The following NPAS3 variants were observed in gnomAD, a reference collection of about 807,000 sequenced individuals.
NPAS3 encodes neuronal PAS domain protein 3.
In NPAS3, 14 loss-of-function variants were observed where a neutral mutation model predicts 73.1. The observed-to-expected ratio is 0.19, with a 90% CI of 0.13 to 0.30. The LOEUF (loss-of-function observed/expected upper bound fraction) is 0.30, where lower values mean the gene tolerates loss of function less well. NPAS3 is among the 10% of genes least tolerant of loss of function. The probability of loss-of-function intolerance (pLI) is 1.00; values close to 1 mark genes in which losing one functional copy is unlikely to be tolerated. For synonymous variants in NPAS3, 620 were observed against 541.5 expected (o/e 1.14, Z -2.01); for missense variants, 1,096 against 1,250.0 (o/e 0.88, Z 1.86).
At chr14:33,441,378 C>G (rs1297303895) in intron 4 of NPAS3, among the ~76,000 whole-genome samples, 1 of 138,738 alleles carries the variant, frequency 7.2e-6, no homozygotes, top group Non-Finnish European at 1.5e-5. Flanking sequence ...AAGCAATAGC[C>G]TAAAGTAGAA....
intron 2 of NPAS3, among the ~76,000 whole-genome samples, chr14:33,192,084 G>A (rs1475932552): frequency 6.6e-6 from 1 of 152,130 alleles, no homozygotes; most frequent in Non-Finnish European, 1.5e-5. Flanking sequence ...AGTTGAGCAT[G>A]AGAACTTTGT....
chr14:32,973,591 A>G (rs922110586), intron 1 of NPAS3, among the ~76,000 whole-genome samples: 4 of 148,722 alleles, frequency 2.7e-5, no homozygotes, highest in Non-Finnish European at 5.9e-5. Flanking sequence ...GGTGGAATGC[A>G]ATGATGCTAT....
chr14:33,640,131 C>T (rs2140177268), intron 5 of NPAS3, among the ~76,000 whole-genome samples: 1 of 152,164 alleles, frequency 6.6e-6, no homozygotes, highest in East Asian at 1.9e-4. Context: ...GCAGAAGAAT[C>T]ACTTGAACCC....
chr14:33,204,599 C>A (rs968640234), intron 2 of NPAS3, among the ~76,000 whole-genome samples: 1 of 151,974 alleles, frequency 6.6e-6, no homozygotes. Context: ...ATGTGACACA[C>A]GGAAAAAGTC....
chr14:33,407,708 AT>A (rs951184999), intron 4 of NPAS3, among the ~76,000 whole-genome samples: 1 of 151,566 alleles, frequency 6.6e-6, no homozygotes, highest in Admixed American at 6.6e-5. Flanking sequence ...CCACCTTCTC[AT>A]TTTTTTTCCC....
At chr14:33,329,823 T>A (rs79042733) in intron 3 of NPAS3, among the ~76,000 whole-genome samples, 3,520 of 152,028 alleles carry the variant, frequency 0.023, 58 homozygotes, top group Non-Finnish European at 0.034. Context: ...TGTGTGTGTG[T>A]GTGAGAGAGA....
intron 4 of NPAS3, among the ~76,000 whole-genome samples, chr14:33,447,514 A>T (rs2049572024): frequency 6.6e-6 from 1 of 152,232 alleles, no homozygotes; most frequent in Admixed American, 6.5e-5. Flanking sequence ...TTAAATTTAG[A>T]CATGCAACTA....
chr14:33,295,706 T>C (rs1028453156), intron 3 of NPAS3, among the ~76,000 whole-genome samples: 2 of 152,234 alleles, frequency 1.3e-5, no homozygotes, highest in Non-Finnish European at 2.9e-5. Context: ...ATGTATTTTA[T>C]TTTAATGCAG....
chr14:33,345,265 G>GCC (rs2044673336), intron 3 of NPAS3, among the ~76,000 whole-genome samples: 1 of 152,000 alleles, frequency 6.6e-6, no homozygotes, highest in South Asian at 2.1e-4. Context: ...AATGAAACTT[G>GCC]CCCTAAAAGA....
intron 5 of NPAS3, among the ~76,000 whole-genome samples, chr14:33,589,059 A>G (rs2056968706): frequency 6.6e-6 from 1 of 152,204 alleles, no homozygotes; most frequent in South Asian, 2.1e-4. Flanking sequence ...TCTTGTAAAG[A>G]AATATACTCT....
chr14:33,405,057 G>T (rs957558799), intron 4 of NPAS3, among the ~76,000 whole-genome samples: 27 of 152,026 alleles, frequency 1.8e-4, no homozygotes, highest in African/African-American at 6.0e-4. Context: ...CCTTGATTTT[G>T]ACCAGTTGAT....
intron 3 of NPAS3, among the ~76,000 whole-genome samples, chr14:33,235,182 G>A (rs1186259252): frequency 6.6e-6 from 1 of 152,066 alleles, no homozygotes; most frequent in African/African-American, 2.4e-5. Context: ...CACTCCTCCT[G>A]CCATAGATGC....
chr14:33,422,753 A>G (rs958397057), intron 4 of NPAS3, among the ~76,000 whole-genome samples: 6 of 151,962 alleles, frequency 3.9e-5, no homozygotes, highest in Non-Finnish European at 8.8e-5. Context: ...TATCTAAGCA[A>G]TTATAGATAT....
intron 4 of NPAS3, among the ~76,000 whole-genome samples, chr14:33,431,345 A>G (rs2048775673): frequency 6.6e-6 from 1 of 152,242 alleles, no homozygotes; most frequent in Non-Finnish European, 1.5e-5. Flanking sequence ...CAAAAGGTCT[A>G]CATGTATTCA....
chr14:33,051,125 T>G (rs1377663708), intron 1 of NPAS3, among the ~76,000 whole-genome samples: 3 of 148,962 alleles, frequency 2.0e-5, no homozygotes, highest in Non-Finnish European at 3.0e-5. Context: ...ATACAAAAAA[T>G]TAGCCGGGCG....
chr14:33,199,231 G>A (rs1044091646), intron 2 of NPAS3, among the ~76,000 whole-genome samples: 33 of 152,242 alleles, frequency 2.2e-4, no homozygotes, highest in Non-Finnish European at 8.8e-5. Flanking sequence ...CGTGGCCAGA[G>A]CAGACGCCCA....
At chr14:32,972,343 G>A (rs1306690441) in intron 1 of NPAS3, among the ~76,000 whole-genome samples, 1 of 152,138 alleles carries the variant, frequency 6.6e-6, no homozygotes, top group Non-Finnish European at 1.5e-5. Context: ...ACCCTGTTAA[G>A]CCTTATTAAG....
intron 2 of NPAS3, among the ~76,000 whole-genome samples, chr14:33,199,883 C>G (rs536909456): frequency 6.6e-6 from 1 of 152,156 alleles, no homozygotes; most frequent in Non-Finnish European, 1.5e-5. Context: ...GCAGCATAAT[C>G]ATCTTTCAAC....
At chr14:33,745,354 G>A (rs1165054959) in intron 7 of NPAS3, among the ~76,000 whole-genome samples, 2 of 152,230 alleles carry the variant, frequency 1.3e-5, no homozygotes, top group Non-Finnish European at 2.9e-5. Flanking sequence ...CTCTACTGAA[G>A]AGTGATAACC....
Sources: gnomAD v4.1 joint callset for allele counts (sites outside exome capture counted in the v4.1 genomes callset) on GRCh38, gnomAD v4.1.1 for gene constraint, MANE v1.5 for transcripts, NCBI Gene and HGNC (gene_info 2026-07-23, HGNC 2026-07-21) for gene names.